Variants in MYT1L observed in about 807,000 individuals in gnomAD.
MYT1L encodes myelin transcription factor 1 like, also known as myelin transcription factor 1-like protein.
MYT1L carries 12 observed loss-of-function variants against 126.7 expected under a neutral mutation model. That is an observed-to-expected ratio of 0.09 (90% CI 0.06 to 0.15). The LOEUF is 0.15. Ranked by LOEUF, MYT1L falls within the 10% of genes least tolerant of loss-of-function variation. MYT1L has a pLI of 1.00. For missense variants in MYT1L, 979 were observed against 1,585.2 expected (o/e 0.62, Z 6.49); for synonymous variants, 541 against 604.2 (o/e 0.90, Z 1.53).
chr2:1,916,724 A>G (rs2052897989), intron 11 of MYT1L, among the ~76,000 whole-genome samples: 1 of 152,226 alleles, frequency 6.6e-6, no homozygotes, highest in Non-Finnish European at 1.5e-5. Flanking sequence ...GACAGACTTT[A>G]CAGGTGAAAT....
chr2:2,048,020 G>A (rs2068397949), intron 4 of MYT1L, among the ~76,000 whole-genome samples: 1 of 152,184 alleles, frequency 6.6e-6, no homozygotes, highest in African/African-American at 2.4e-5. Context: ...AAACTGTGGA[G>A]TGTGTCAGAC....
At position 1,889,085 on chromosome 2, in the gene MYT1L, G is replaced by A. The variant is rs1431241021; in HGVS notation, c.2520+156C>T. Among the ~76,000 whole-genome samples, 1 of 152,068 alleles carries A rather than the reference G, an allele frequency of 6.6e-6. No individual in the cohort carries two copies. Among genetic ancestry groups the A allele is most frequent in the Non-Finnish European group, 1.5e-5 (1 of 68,020 alleles). On this transcript the variant is annotated intron_variant, in intron 16 of 24. Transcript: ENST00000647738. The surrounding 1 kb of genome is among the most constrained non-coding windows in gnomAD (Gnocchi z 4.1). ...AATGTTAGTCGCAAATCTCTTCTGGGTCAACAAAAACTGTTTTCTAAGTCC... is the reference window on the plus strand; with the variant it reads ...AATGTTAGTCGCAAATCTCTTCTGGATCAACAAAAACTGTTTTCTAAGTCC...
intron 8 of MYT1L, among the ~76,000 whole-genome samples, chr2:1,959,162 T>A (rs2058754325): frequency 6.6e-6 from 1 of 152,112 alleles, no homozygotes; most frequent in Non-Finnish European, 1.5e-5. Context: ...AAATGAAACC[T>A]GCCACGAGAA....
chr2:2,050,835 A>T (rs2068744586), intron 4 of MYT1L, among the ~76,000 whole-genome samples: 1 of 152,038 alleles, frequency 6.6e-6, no homozygotes, highest in South Asian at 2.1e-4. Context: ...AGTGTTTCTG[A>T]TTCTGAGTTG....
At chr2:2,299,103 T>C (rs199978739) in intron 1 of MYT1L, among the ~76,000 whole-genome samples, 1 of 152,158 alleles carries the variant, frequency 6.6e-6, no homozygotes, top group Admixed American at 6.5e-5. Context: ...CCATCCGCCT[T>C]GGCCTCCCAA....
chr2:2,180,117 A>T (rs1283665255), intron 2 of MYT1L, among the ~76,000 whole-genome samples: 2 of 152,144 alleles, frequency 1.3e-5, no homozygotes. Context: ...TGGGGATTGC[A>T]CCTGTTCATT....
intron 8 of MYT1L, among the ~76,000 whole-genome samples, chr2:1,954,116 T>C (rs1399460111): frequency 6.6e-6 from 1 of 152,122 alleles, no homozygotes; most frequent in African/African-American, 2.4e-5. Context: ...ATCCATCTTT[T>C]CACCTAGAAA....
intron 1 of MYT1L, among the ~76,000 whole-genome samples, chr2:2,321,416 C>T (rs529988637): frequency 5.9e-5 from 9 of 152,284 alleles, no homozygotes; most frequent in African/African-American, 2.2e-4. Context: ...GGCGACAATG[C>T]TCTGTGCTTT....
At chr2:2,283,020 A>G (rs1355168170) in intron 2 of MYT1L, among the ~76,000 whole-genome samples, 1 of 152,244 alleles carries the variant, frequency 6.6e-6, no homozygotes, top group African/African-American at 2.4e-5. Flanking sequence ...GGTTACGGTG[A>G]GCCAAGATTG....
Position 1,851,645 on chromosome 2 carries a change from G to A in MYT1L, c.2770C>T (p.Arg924Trp), listed in dbSNP as rs1334322601. ...AAGAGTAGCATCTCTACATACCTCC[G>A]ATGAGAAGCATAATTGCCGGTGATA... ...GHITGNYASH[R>W]SLSGCPRAKK... The change falls in exon 19 of 25, where the codon CGG becomes TGG. Residue 924 changes from arginine (R) to tryptophan (W), a missense_variant. Arg to Trp is a moderately radical substitution (Grantham distance 101). Transcript: ENST00000647738. 1 of 1,613,412 alleles carries A rather than the reference G, an allele frequency of 6.2e-7. No individual in the cohort carries two copies. The highest frequency in any genetic ancestry group is 1.3e-5 in the African/African-American group (1 of 74,900).
chr2:1,913,708 C>T (rs2052397729), intron 11 of MYT1L, among the ~76,000 whole-genome samples: 2 of 152,146 alleles, frequency 1.3e-5, no homozygotes. Flanking sequence ...CTGGGGATGG[C>T]ACACGGGGGT....
At chr2:2,210,952 TAA>T (rs1439161480) in intron 2 of MYT1L, among the ~76,000 whole-genome samples, 4 of 152,182 alleles carry the variant, frequency 2.6e-5, no homozygotes, top group Non-Finnish European at 5.9e-5. Context: ...CTTCTTTGGT[TAA>T]GTTACTTCCT....
intron 4 of MYT1L, among the ~76,000 whole-genome samples, chr2:2,003,233 A>G (rs1476842555): frequency 6.6e-6 from 1 of 152,058 alleles, no homozygotes; most frequent in Admixed American, 6.5e-5. Context: ...GTGTCTCTCA[A>G]CACAGCCTCA....
intron 21 of MYT1L, among the ~76,000 whole-genome samples, chr2:1,836,037 C>A (rs1686227074): frequency 6.6e-6 from 1 of 152,086 alleles, no homozygotes; most frequent in Admixed American, 6.5e-5. Context: ...GACCTGGGAT[C>A]CTGAAAGAGG....
intron 4 of MYT1L, among the ~76,000 whole-genome samples, chr2:2,040,929 G>T (rs2067457365): frequency 6.6e-6 from 1 of 152,070 alleles, no homozygotes; most frequent in Non-Finnish European, 1.5e-5. Context: ...TAACCAATGT[G>T]CTTAGAAAGC....
chr2:2,162,001 G>A (rs1028178133), intron 3 of MYT1L, among the ~76,000 whole-genome samples: 7 of 152,158 alleles, frequency 4.6e-5, no homozygotes, highest in Non-Finnish European at 7.3e-5. Context: ...ACTTGGTGGC[G>A]TTTACGTTCA....
chr2:1,800,131 T>A (rs2034560846), intron 23 of MYT1L: 1 of 152,290 alleles, frequency 6.6e-6, no homozygotes, highest in Admixed American at 6.5e-5. Context: ...AATTAAACAA[T>A]CTTTGCTGAC....
intron 9 of MYT1L, among the ~76,000 whole-genome samples, chr2:1,941,982 C>A (rs1313675675): frequency 1.3e-5 from 2 of 152,150 alleles, no homozygotes; most frequent in Non-Finnish European, 2.9e-5. Flanking sequence ...GAGGCCCTAC[C>A]CACTGGCTGA....
intron 4 of MYT1L, among the ~76,000 whole-genome samples, chr2:2,004,291 G>GTTCTTTCCTGCAGGCA (rs1558698120): frequency 8.5e-6 from 1 of 117,176 alleles, no homozygotes; most frequent in Admixed American, 8.5e-5. Context: ...TCCTGCATGC[G>GTTCTTTCCTGCAGGCA]TTCTTTCCTG....
Sources: allele counts gnomAD v4.1 joint callset (sites outside exome capture counted in the v4.1 genomes callset), GRCh38; gene constraint gnomAD v4.1.1; non-coding constraint Gnocchi (gnomAD v3.1); transcripts MANE v1.5; gene names NCBI Gene and HGNC (gene_info 2026-07-23, HGNC 2026-07-21).